Variants in RFTN2 observed in about 807,000 individuals in gnomAD.
The protein encoded by RFTN2 is raftlin family member 2.
A neutral mutation model predicts 52.7 loss-of-function variants in RFTN2; 34 were observed. The observed-to-expected ratio is 0.64, with a 90% CI of 0.49 to 0.86. RFTN2 has a LOEUF of 0.86. Ranked by LOEUF, RFTN2 falls within the 40% of genes least tolerant of loss-of-function variation. The pLI, the probability that RFTN2 is intolerant of heterozygous loss-of-function variation, is 0.00. For missense variants in RFTN2, 536 were observed against 600.1 expected (o/e 0.89, Z 1.12); for synonymous variants, 203 against 217.7 (o/e 0.93, Z 0.59).
chr2:197,579,979 C>G (rs765888261), intron 8 of RFTN2, among the ~76,000 whole-genome samples: 1 of 152,140 alleles, frequency 6.6e-6, no homozygotes, highest in Non-Finnish European at 1.5e-5. Flanking sequence ...GGTTAATGCT[C>G]CTTTTTCTTT....
intron 1 of RFTN2, among the ~76,000 whole-genome samples, chr2:197,672,838 AAAAAG>A (rs1388019491): frequency 6.6e-5 from 10 of 152,180 alleles, no homozygotes; most frequent in East Asian, 1.9e-4. Flanking sequence ...GGCCAAAAAG[AAAAAG>A]AAAAGTGTGG....
chr2:197,654,109 T>C (rs191505648), intron 1 of RFTN2, among the ~76,000 whole-genome samples: 1 of 152,214 alleles, frequency 6.6e-6, no homozygotes, highest in Non-Finnish European at 1.5e-5. Context: ...AAAATTAGGC[T>C]GGGCATGGTG....
chr2:197,603,046 G>C (rs182659182), intron 7 of RFTN2, among the ~76,000 whole-genome samples: 2 of 152,140 alleles, frequency 1.3e-5, no homozygotes, highest in East Asian at 3.8e-4. Context: ...ACATAGGAAC[G>C]GGAACATCAC....
At chr2:197,583,747 T>C (rs905133863) in intron 8 of RFTN2, among the ~76,000 whole-genome samples, 13 of 152,116 alleles carry the variant, frequency 8.5e-5, no homozygotes, top group Non-Finnish European at 2.9e-5. Context: ...TTGTTTACAT[T>C]AGGTATATCT....
chr2:197,575,460 A>G (rs1249698637), intron 8 of RFTN2, among the ~76,000 whole-genome samples: 1 of 152,208 alleles, frequency 6.6e-6, no homozygotes, highest in Non-Finnish European at 1.5e-5. Context: ...CACAGTATAA[A>G]TGCTCAACAA....
intron 7 of RFTN2, among the ~76,000 whole-genome samples, chr2:197,609,805 G>A (rs2088026476): frequency 6.6e-6 from 1 of 152,130 alleles, no homozygotes; most frequent in Non-Finnish European, 1.5e-5. Context: ...TAAGATGTAG[G>A]GAAGGGATCC....
chr2:197,640,256 G>A (rs894431983), intron 3 of RFTN2, among the ~76,000 whole-genome samples: 6 of 152,276 alleles, frequency 3.9e-5, no homozygotes, highest in African/African-American at 1.4e-4. Flanking sequence ...GCTGTGGTGG[G>A]CTCCACCCAG....
chr2:197,615,578 G>A (rs1357904225), intron 7 of RFTN2, among the ~76,000 whole-genome samples: 2 of 142,808 alleles, frequency 1.4e-5, no homozygotes, highest in Non-Finnish European at 3.1e-5. Flanking sequence ...CCACACTGGA[G>A]GGGAGGTGGC....
chr2:197,623,786 C>G (rs759742628), intron 5 of RFTN2, among the ~76,000 whole-genome samples: 3 of 152,172 alleles, frequency 2.0e-5, no homozygotes, highest in Non-Finnish European at 4.4e-5. Flanking sequence ...CCTGCCTCAG[C>G]CTCCTGAGTA....
At chr2:197,631,905 T>C (rs897297284) in intron 4 of RFTN2, among the ~76,000 whole-genome samples, 21 of 152,316 alleles carry the variant, frequency 1.4e-4, no homozygotes, top group Admixed American at 7.8e-4. Context: ...CAAAAGTATC[T>C]GGATTCCATG....
chr2:197,608,622 AC>A (rs2088000518), intron 7 of RFTN2, among the ~76,000 whole-genome samples: 2 of 100,714 alleles, frequency 2.0e-5, no homozygotes, highest in African/African-American at 8.1e-5. Flanking sequence ...CTGGGACCAG[AC>A]TTTTTTTTTT....
chr2:197,579,361 C>T (rs1162643215), intron 8 of RFTN2, among the ~76,000 whole-genome samples: 3 of 152,184 alleles, frequency 2.0e-5, no homozygotes, highest in Admixed American at 6.5e-5. Context: ...CTTCCATCCT[C>T]CATTCCTCTT....
chr2:197,634,946 C>T (rs2088539109), intron 3 of RFTN2, among the ~76,000 whole-genome samples: 1 of 140,796 alleles, frequency 7.1e-6, no homozygotes, highest in Non-Finnish European at 1.5e-5. Context: ...TCCATGTGAT[C>T]TCATTGTTCA....
chr2:197,602,127 G>A (rs182512351), intron 7 of RFTN2, among the ~76,000 whole-genome samples: 32 of 152,176 alleles, frequency 2.1e-4, no homozygotes, highest in African/African-American at 5.1e-4. Flanking sequence ...GTGCAGTGGC[G>A]TGATCTTGGC....
At chr2:197,588,615 G>C (rs771211384) in intron 8 of RFTN2, among the ~76,000 whole-genome samples, 2 of 152,196 alleles carry the variant, frequency 1.3e-5, no homozygotes, top group Non-Finnish European at 2.9e-5. Flanking sequence ...AGGTGATTAC[G>C]AACAGAGCTG....
At chr2:197,609,604 T>C (rs2088022215) in intron 7 of RFTN2, among the ~76,000 whole-genome samples, 1 of 152,252 alleles carries the variant, frequency 6.6e-6, no homozygotes, top group African/African-American at 2.4e-5. Flanking sequence ...CTGCTGATAG[T>C]TTCTTTTGCT....
At chr2:197,641,694 G>C (rs1014564989) in intron 3 of RFTN2, among the ~76,000 whole-genome samples, 1 of 152,124 alleles carries the variant, frequency 6.6e-6, no homozygotes, top group African/African-American at 2.4e-5. Context: ...GTGAACACTG[G>C]TATAATGTTA....
At chr2:197,660,215 C>T (rs185591942) in intron 1 of RFTN2, among the ~76,000 whole-genome samples, 101 of 152,134 alleles carry the variant, frequency 6.6e-4, no homozygotes, top group African/African-American at 2.2e-3. Context: ...AATAAAATTC[C>T]GACATGAGCT....
chr2:197,587,067 G>C (rs1185841979), intron 8 of RFTN2, among the ~76,000 whole-genome samples: 1 of 152,018 alleles, frequency 6.6e-6, no homozygotes, highest in Non-Finnish European at 1.5e-5. Flanking sequence ...TTCAGACCTT[G>C]TATCTTCCGT....
Sources: allele counts gnomAD v4.1 joint callset (sites outside exome capture counted in the v4.1 genomes callset), GRCh38; gene constraint gnomAD v4.1.1; transcripts MANE v1.5; gene names NCBI Gene and HGNC (gene_info 2026-07-23, HGNC 2026-07-21).